Variants in ERG observed in about 807,000 individuals in gnomAD.
The protein encoded by ERG is ETS transcription factor ERG.
ERG carries 9 observed loss-of-function variants against 55.3 expected under a neutral mutation model. The ratio of observed to expected loss-of-function variants is 0.16; its 90% confidence interval spans 0.10 to 0.28. ERG has a LOEUF of 0.28. Among genes scored for constraint, ERG ranks in the 10% least tolerant of loss-of-function variants. ERG has a pLI of 1.00. For synonymous variants in ERG, 223 were observed against 237.3 expected, an observed-to-expected ratio of 0.94 and a Z score of 0.55; for missense variants, 434 against 631.6, an observed-to-expected ratio of 0.69 and a Z score of 3.35.
At chr21:38,511,354 G>A (rs1354578689) in intron 2 of ERG, among the ~76,000 whole-genome samples, 1 of 152,188 alleles carries the variant, frequency 6.6e-6, no homozygotes, top group African/African-American at 2.4e-5. Flanking sequence ...CAGGCACAAA[G>A]TGGAATGCCT....
intron 1 of ERG, among the ~76,000 whole-genome samples, chr21:38,451,939 T>G (rs1359231268): frequency 1.3e-5 from 2 of 152,252 alleles, no homozygotes; most frequent in Non-Finnish European, 2.9e-5. Context: ...TGCCCCTTCT[T>G]GATATGATTT....
chr21:38,498,780 C>T (rs544098101), upstream of ERG, among the ~76,000 whole-genome samples: 139 of 152,302 alleles, frequency 9.1e-4, no homozygotes, highest in African/African-American at 3.1e-3. This position sits in a 1 kb window ranked among gnomAD's most constrained non-coding sequence, Gnocchi z 4.6. Flanking sequence ...TGGCTTCACA[C>T]GGGCTGCAAG....
At chr21:38,471,434 T>TAG (rs2059138310) in intron 1 of ERG, 1 of 152,246 alleles carries the variant, frequency 6.6e-6, no homozygotes. Context: ...GAGCAACACT[T>TAG]ACGGAGCTCA....
chr21:38,658,702 C>T (rs925692414), intron 1 of ERG, among the ~76,000 whole-genome samples: 2 of 152,202 alleles, frequency 1.3e-5, no homozygotes, highest in Non-Finnish European at 2.9e-5. Context: ...TTCCTTCTGA[C>T]GTCTTTCAGA....
chr21:38,471,260 T>C (rs540388712), intron 1 of ERG: 179 of 152,282 alleles, frequency 1.2e-3, no homozygotes, highest in African/African-American at 4.2e-3. Context: ...TCTTCTGTCC[T>C]GAGCAGATGG....
chr21:38,461,054 A>G (rs1387942818), intron 1 of ERG, among the ~76,000 whole-genome samples: 1 of 152,162 alleles, frequency 6.6e-6, no homozygotes, highest in African/African-American at 2.4e-5. Context: ...CCCAATTTCA[A>G]TATTCGATAC....
intron 2 of ERG, among the ~76,000 whole-genome samples, chr21:38,512,036 G>C (rs2059515876): frequency 6.6e-6 from 1 of 152,200 alleles, no homozygotes; most frequent in African/African-American, 2.4e-5. Flanking sequence ...CAGACTGTCA[G>C]CCTAATGGAA....
the ERG span, among the ~76,000 whole-genome samples, chr21:38,372,074 G>A: frequency 2.0e-5 from 3 of 151,916 alleles, no homozygotes; most frequent in African/African-American, 7.2e-5. Context: ...GTTTTGCTAG[G>A]TTTGTTTTCT....
chr21:38,400,374 T>C (rs1317283998), intron 6 of ERG, 200 bp downstream of exon 6: 1 of 689,896 alleles, frequency 1.4e-6, no homozygotes, highest in Non-Finnish European at 2.7e-6. Flanking sequence ...AATCTGCTCT[T>C]AATTCCTTTA....
intron 2 of ERG, among the ~76,000 whole-genome samples, chr21:38,537,092 G>A (rs1434062785): frequency 2.6e-5 from 4 of 152,024 alleles, no homozygotes; most frequent in South Asian, 2.1e-4. Context: ...GGAAAACTGG[G>A]TATACATATG....
intron 2 of ERG, among the ~76,000 whole-genome samples, chr21:38,434,458 C>T (rs903742261): frequency 9.2e-5 from 14 of 152,220 alleles, no homozygotes; most frequent in African/African-American, 3.1e-4. Flanking sequence ...TCTCTACAAG[C>T]CTTTCCTGGG....
the ERG span, among the ~76,000 whole-genome samples, chr21:38,368,816 G>A: frequency 2.6e-5 from 4 of 151,980 alleles, no homozygotes; most frequent in South Asian, 2.1e-4. Flanking sequence ...CCCTCTATGC[G>A]TCCATGTATT....
chr21:38,508,842 C>G (rs80335900), intron 2 of ERG, among the ~76,000 whole-genome samples: 2,348 of 152,276 alleles, frequency 0.015, 68 homozygotes, highest in African/African-American at 0.053. Context: ...AGCAGAAGTT[C>G]AGCTATGTGG....
At chr21:38,372,039 A>G in the ERG span, among the ~76,000 whole-genome samples, 1 of 151,992 alleles carries the variant, frequency 6.6e-6, no homozygotes, top group African/African-American at 2.4e-5. Context: ...AAGATCATTC[A>G]GGTTTTCTGT....
Position 38,575,661 on chromosome 21 carries a change from C to T in ERG, c.-41+1G>A. On this transcript the variant is annotated splice_donor_variant, in intron 2 of 8. Coordinates refer to the ERG transcript ENST00000398897. LOFTEE classifies it low-confidence loss of function (5UTR_SPLICE). ...GGCTTCCCAGCCAAGACGGGACTTA[C>T]CTTGATATGAGCTGCTGGGTCCGGG... 3.7e-6 allele frequency: 6 copies of T among 1,613,426 alleles called. No homozygotes were observed. The highest frequency in any genetic ancestry group is 5.1e-6 in the Non-Finnish European group (6 of 1,179,372).
the ERG span, among the ~76,000 whole-genome samples, chr21:38,373,646 A>G: frequency 6.6e-6 from 1 of 152,168 alleles, no homozygotes; most frequent in Non-Finnish European, 1.5e-5. Context: ...GTATATTACC[A>G]TCTTGGAGTC....
Position 38,383,070 on chromosome 21 carries a change from AACTCT to A in ERG, c.*328_*332del, listed in dbSNP as rs917950416. 36 of 1,106,760 alleles carry A rather than the reference AACTCT, an allele frequency of 3.3e-5. No individual in the cohort carries two copies. The highest frequency in any genetic ancestry group is 9.9e-5 in the Admixed American group (2 of 20,270). 68.6% of individuals were successfully genotyped at this position (1,106,760 alleles called of 1,614,324 possible). Reference sequence around the variant, plus strand: ...CCCAGTTTGCATTAGTGGGATTCCAAACTCTACTCTAAAGTTTATACATTTCTTAA... The same window carrying A: ...CCCAGTTTGCATTAGTGGGATTCCAAACTCTAAAGTTTATACATTTCTTAA... On this transcript the variant is annotated 3_prime_UTR_variant, in exon 10 of 10. Transcript: ENST00000288319. The surrounding 1 kb of genome is among the most constrained non-coding windows in gnomAD (Gnocchi z 5.7).
At chr21:38,456,526 G>A (rs1460862898) in intron 1 of ERG, among the ~76,000 whole-genome samples, 1 of 152,236 alleles carries the variant, frequency 6.6e-6, no homozygotes, top group Non-Finnish European at 1.5e-5. Context: ...AGACAGAGGA[G>A]CACATGAATA....
At chr21:38,505,158 A>G (rs181922067) in intron 2 of ERG, among the ~76,000 whole-genome samples, 57 of 152,350 alleles carry the variant, frequency 3.7e-4, no homozygotes, top group African/African-American at 1.3e-3. Context: ...GCGAAGGCAA[A>G]AAATCTTTGC....
Sources: gnomAD v4.1 joint callset for allele counts (sites outside exome capture counted in the v4.1 genomes callset) on GRCh38, gnomAD v4.1.1 for gene constraint, Gnocchi (gnomAD v3.1) non-coding constraint, MANE v1.5 for transcripts, NCBI Gene and HGNC (gene_info 2026-07-23, HGNC 2026-07-21) for gene names.